Variants in GMPR observed in about 807,000 individuals in gnomAD.
GMPR encodes the protein guanosine monophosphate reductase.
GMPR carries 31 observed loss-of-function variants against 38.4 expected under a neutral mutation model. The observed-to-expected ratio is 0.81, with a 90% confidence interval of 0.61 to 1.09. The LOEUF (loss-of-function observed/expected upper bound fraction) is 1.09, where lower values mean the gene tolerates loss of function less well. Among genes scored for constraint, GMPR ranks in the 50% least tolerant of loss-of-function variants. GMPR has a pLI of 0.00. For missense variants in GMPR, 468 were observed against 453.7 expected (o/e 1.03, Z -0.29); for synonymous variants, 162 against 173.3 (o/e 0.93, Z 0.51).
intron 4 of GMPR, among the ~76,000 whole-genome samples, chr6:16,271,320 T>C (rs972000489): frequency 2.6e-5 from 4 of 152,048 alleles, no homozygotes; most frequent in Non-Finnish European, 5.9e-5. Context: ...ACTCTGTCTC[T>C]ACAGAAAATA....
chr6:16,254,183 G>A (rs939107360), intron 3 of GMPR, among the ~76,000 whole-genome samples: 34 of 152,000 alleles, frequency 2.2e-4, no homozygotes, highest in South Asian at 1.2e-3. Flanking sequence ...CACCTGCCTC[G>A]GCCTCTCAAA....
At chr6:16,253,815 G>A (rs770509420) in intron 3 of GMPR, among the ~76,000 whole-genome samples, 35 of 152,202 alleles carry the variant, frequency 2.3e-4, no homozygotes, top group Admixed American at 3.9e-4. Context: ...GGGGAAGCCC[G>A]AGTTGATTGG....
chr6:16,242,182 C>A (rs767372676), intron 1 of GMPR, among the ~76,000 whole-genome samples: 2 of 152,208 alleles, frequency 1.3e-5, no homozygotes, highest in Non-Finnish European at 2.9e-5. Context: ...CTTAAAACTT[C>A]ATAGCAGTTT....
At chr6:16,285,633 G>A (rs1391814143) in intron 6 of GMPR, among the ~76,000 whole-genome samples, 160 bp from the exon 7 acceptor site, 1 of 152,190 alleles carries the variant, frequency 6.6e-6, no homozygotes, top group Admixed American at 6.5e-5. Context: ...GAGTACACTC[G>A]ATCAGACAAC....
chr6:16,277,074 G>T (rs1450043702), intron 5 of GMPR, among the ~76,000 whole-genome samples: 2 of 152,152 alleles, frequency 1.3e-5, no homozygotes, highest in African/African-American at 4.8e-5. Flanking sequence ...AAAAGCTGAG[G>T]CTGAACCGGG....
intron 5 of GMPR, among the ~76,000 whole-genome samples, 161 bp downstream of exon 5, chr6:16,274,657 C>G (rs1050524144): frequency 2.6e-5 from 4 of 151,750 alleles, no homozygotes; most frequent in Admixed American, 1.3e-4. Context: ...TCGGGGAAGC[C>G]CCTGATGAAA....
intron 4 of GMPR, among the ~76,000 whole-genome samples, chr6:16,261,029 G>T (rs962528607): frequency 1.3e-4 from 20 of 151,954 alleles, no homozygotes; most frequent in Non-Finnish European, 2.1e-4. Context: ...GTTGAGCATA[G>T]TTTGTGATTT....
At chr6:16,264,835 A>G (rs1759159315) in intron 4 of GMPR, among the ~76,000 whole-genome samples, 1 of 152,178 alleles carries the variant, frequency 6.6e-6, no homozygotes, top group African/African-American at 2.4e-5. Flanking sequence ...GGCCATCTGG[A>G]TGTGTACATG....
intron 4 of GMPR, among the ~76,000 whole-genome samples, chr6:16,268,427 G>C (rs1254501909): frequency 1.3e-5 from 2 of 152,146 alleles, no homozygotes; most frequent in Admixed American, 1.3e-4. Context: ...TGATTCTCCT[G>C]AGTAGCACAC....
chr6:16,268,409 G>A (rs1402447622), intron 4 of GMPR, among the ~76,000 whole-genome samples: 3 of 152,142 alleles, frequency 2.0e-5, no homozygotes, highest in Non-Finnish European at 4.4e-5. Flanking sequence ...CCGCCTCCCA[G>A]GTTCAAGTGA....
At chr6:16,265,817 C>A (rs375637644) in intron 4 of GMPR, among the ~76,000 whole-genome samples, 21 of 152,348 alleles carry the variant, frequency 1.4e-4, no homozygotes, top group South Asian at 6.2e-4. Flanking sequence ...CGGAACCCTT[C>A]CACGCCATGG....
In GMPR at chr6:16,263,736, G is replaced by A. The variant is rs529493437; in HGVS notation, c.465+9001G>A. On this transcript the variant is annotated intron_variant, in intron 4 of 8. Coordinates refer to ENST00000259727, the MANE Select transcript of GMPR (RefSeq NM_006877.4). ...TCAGGGCACAGAAATAAGGGATTGG[G>A]GTGCAGAGATAAGAGGTCAGGGCAC... Among the ~76,000 whole-genome samples the A allele has an allele frequency of 2.1e-5, 3 of 143,028 alleles. No homozygotes were observed. The South Asian group carries it at 7.5e-4, about 36-fold the overall frequency. 93.8% of individuals were successfully genotyped at this position (143,028 alleles called of 152,430 possible). A position where few individuals can be genotyped will look rare whatever the true frequency, so the allele number is the denominator to read the frequency against.
intron 8 of GMPR, among the ~76,000 whole-genome samples, chr6:16,292,314 G>A (rs903473931): frequency 1.4e-4 from 22 of 151,968 alleles, no homozygotes; most frequent in African/African-American, 5.3e-4. Context: ...GGGGGGAGTG[G>A]GGTGTATTCT....
intron 1 of GMPR, among the ~76,000 whole-genome samples, chr6:16,241,864 C>T (rs988784399): frequency 2.6e-5 from 4 of 152,002 alleles, no homozygotes; most frequent in African/African-American, 9.7e-5. Context: ...TCCTCAGGCT[C>T]CCGAGAAGCT....
chr6:16,290,311 G>T, intron 7 of GMPR, 151 bp from the exon 8 acceptor site: 1 of 706,122 alleles, frequency 1.4e-6, no homozygotes, highest in Non-Finnish European at 2.5e-6. Context: ...CTTTTTCCAG[G>T]AGGAGACAGG....
At chr6:16,255,550 C>G (rs922584778) in intron 4 of GMPR, among the ~76,000 whole-genome samples, 6 of 152,118 alleles carry the variant, frequency 3.9e-5, no homozygotes, top group Non-Finnish European at 7.4e-5. Flanking sequence ...TGTTTCTTGA[C>G]TTTTCCTGTA....
At chr6:16,284,788 G>C (rs924530435) in intron 6 of GMPR, among the ~76,000 whole-genome samples, 1 of 152,128 alleles carries the variant, frequency 6.6e-6, no homozygotes, top group African/African-American at 2.4e-5. Context: ...GGGAGGCCGA[G>C]GTGGGCGGAT....
chr6:16,294,937 G>A, intron 8 of GMPR, 69 bp from the exon 9 acceptor site: 1 of 1,261,216 alleles, frequency 7.9e-7, no homozygotes, highest in Non-Finnish European at 1.1e-6. Context: ...GGAGCTGGGA[G>A]TAATTCTAAT....
chr6:16,252,130 A>C (rs369246755), intron 3 of GMPR, among the ~76,000 whole-genome samples: 118 of 152,304 alleles, frequency 7.7e-4, no homozygotes, highest in Non-Finnish European at 1.3e-3. Context: ...CTCAATAGTA[A>C]GTCCTTCATT....
Sources: allele counts gnomAD v4.1 joint callset (sites outside exome capture counted in the v4.1 genomes callset), GRCh38; gene constraint gnomAD v4.1.1; transcripts MANE v1.5; gene names NCBI Gene and HGNC (gene_info 2026-07-23, HGNC 2026-07-21).